Variants in ADAM28 observed in about 807,000 individuals in gnomAD.
ADAM28 encodes the protein ADAM metallopeptidase domain 28, also known as disintegrin and metalloproteinase domain-containing protein 28.
In ADAM28, 105 loss-of-function variants were observed where a neutral mutation model predicts 101.2. The ratio of observed to expected loss-of-function variants is 1.04; its 90% confidence interval spans 0.89 to 1.22. The LOEUF is 1.22. Among genes scored for constraint, ADAM28 ranks in the 50% most tolerant of loss-of-function variants. The pLI is 0.00. For synonymous variants in ADAM28, 322 were observed against 310.6 expected (o/e 1.04, Z -0.39); for missense variants, 1,028 against 945.4 (o/e 1.09, Z -1.15).
chr8:24,302,648 T>C (rs1808943380), intron 2 of ADAM28, among the ~76,000 whole-genome samples: 1 of 152,222 alleles, frequency 6.6e-6, no homozygotes, highest in South Asian at 2.1e-4. Context: ...TGGTGTGAGA[T>C]GGTATCTCAT....
chr8:24,299,951 C>G, intron 1 of ADAM28, 23 bp from the exon 2 acceptor site: 1 of 1,588,452 alleles, frequency 6.3e-7, no homozygotes. Context: ...CTGGATAAGT[C>G]TTTTCTTTTT....
chr8:24,325,871 C>CAAAAAAAAAAAAAAAAAAAAAA (rs5890146), intron 9 of ADAM28, among the ~76,000 whole-genome samples: 3 of 20,418 alleles, frequency 1.5e-4, no homozygotes, highest in East Asian at 1.5e-3. Context: ...GTACAGATAG[C>CAAAAAAAAAAAAAAAAAAAAAA]AAAAAAAAAA....
chr8:24,327,604 G>A (rs931537600), intron 10 of ADAM28, among the ~76,000 whole-genome samples: 6 of 152,064 alleles, frequency 3.9e-5, no homozygotes, highest in Non-Finnish European at 7.4e-5. Context: ...AAAGAACAAA[G>A]CTGGAGGCAT....
chr8:24,337,728 TTAATC>T (rs1244561293), intron 14 of ADAM28, among the ~76,000 whole-genome samples: 4 of 152,234 alleles, frequency 2.6e-5, no homozygotes, highest in African/African-American at 9.6e-5. Flanking sequence ...TTATTTTAAA[TTAATC>T]TGGGAAGTTT....
chr8:24,300,011 T>A lies in ADAM28; in HGVS notation c.84T>A (p.Tyr28Ter). Residue 28 changes from tyrosine to a stop codon, truncating the protein, a stop_gained, in exon 2 of 23, where the codon TAT becomes TAA. Coordinates refer to ENST00000265769, the MANE Select transcript of ADAM28 (RefSeq NM_014265.6). LOFTEE classifies it high-confidence loss of function. ...AIKELPGVKK[Y>*]EVVYPIRLHP... is the part of the protein sequence containing the mutation. ...AAGAACTCCCTGGGGTGAAGAAGTA[T>A]GAAGTGGTTTATCCTATAAGACTTC... The A allele has an allele frequency of 6.2e-7, 1 of 1,613,596 alleles. No individual in the cohort carries two copies. Among genetic ancestry groups the A allele is most frequent in the South Asian group, 1.1e-5 (1 of 91,078 alleles).
chr8:24,324,727 G>T (rs1261070053), intron 9 of ADAM28, among the ~76,000 whole-genome samples: 1 of 151,902 alleles, frequency 6.6e-6, no homozygotes, highest in Non-Finnish European at 1.5e-5. Context: ...TTGGTGTGTG[G>T]GCTCATCTGG....
At chr8:24,339,362 TA>T in intron 14 of ADAM28, 103 bp from the exon 15 acceptor site, 1 of 825,392 alleles carries the variant, frequency 1.2e-6, no homozygotes, top group Non-Finnish European at 1.9e-6. Context: ...TTATATTTTA[TA>T]AATCGCTTTC....
chr8:24,308,872 T>C (rs1342746174), intron 2 of ADAM28: 1 of 352,900 alleles, frequency 2.8e-6, no homozygotes, highest in Non-Finnish European at 5.6e-6. Context: ...TCAGATACCA[T>C]ACCGGCCAGA....
chr8:24,329,765 G>A (rs141491301), intron 10 of ADAM28, among the ~76,000 whole-genome samples: 94 of 151,976 alleles, frequency 6.2e-4, no homozygotes, highest in East Asian at 5.8e-4. Context: ...CTTCATTATA[G>A]GAACCTACTC....
intron 14 of ADAM28, chr8:24,336,002 C>G (rs1813988478): frequency 9.8e-7 from 1 of 1,024,000 alleles, no homozygotes; most frequent in Admixed American, 5.4e-5. Context: ...GGCAACCCTA[C>G]TAAGATCATA....
At chr8:24,302,059 C>T (rs1204890686) in intron 2 of ADAM28, among the ~76,000 whole-genome samples, 1 of 152,146 alleles carries the variant, frequency 6.6e-6, no homozygotes, top group Non-Finnish European at 1.5e-5. Context: ...TTAAGCCCAG[C>T]ATGCATTAGC....
chr8:24,319,893 T>C (rs10106240), intron 6 of ADAM28, among the ~76,000 whole-genome samples: 1 of 151,962 alleles, frequency 6.6e-6, no homozygotes, highest in East Asian at 1.9e-4. Context: ...AGGAGGATGC[T>C]GAAGTCAAAC....
At position 24,335,533 on chromosome 8, in the gene ADAM28, G is replaced by C; in HGVS notation, c.1459G>C (p.Asp487His). Residue 487 changes from aspartate to histidine, a missense_variant, in exon 14 of 23, where the codon GAT (aspartate) becomes CAT (histidine). By Grantham distance (81) the Asp-to-His change is moderately conservative. Transcript: ENST00000265769. ...MCNGKSGNCP[D>H]DRFQVNGFPC... is the part of the protein sequence containing the mutation. The stretch of plus-strand genomic sequence containing the variant: ...TAATGGTAAATCTGGTAATTGTCCT[G>C]ATGATAGATTCCAAGTCAATGGCTT... 2 of 1,614,176 alleles carry C rather than the reference G, an allele frequency of 1.2e-6. No individual in the cohort carries two copies. Among genetic ancestry groups the C allele is most frequent in the Non-Finnish European group, 1.7e-6 (2 of 1,180,012 alleles).
intron 2 of ADAM28, among the ~76,000 whole-genome samples, chr8:24,302,307 A>G (rs1050239493): frequency 1.3e-5 from 2 of 152,130 alleles, no homozygotes; most frequent in African/African-American, 4.8e-5. Flanking sequence ...TCCATGGTGT[A>G]TATGTACCAC....
At chr8:24,344,442 G>C (rs994603644) in intron 18 of ADAM28, among the ~76,000 whole-genome samples, 9 of 152,064 alleles carry the variant, frequency 5.9e-5, no homozygotes, top group African/African-American at 2.2e-4. Flanking sequence ...TTGATCTCAG[G>C]TGATGAGCCA....
intron 5 of ADAM28, among the ~76,000 whole-genome samples, chr8:24,312,327 T>C (rs10098715): frequency 0.025 from 3,816 of 152,194 alleles, 181 homozygotes; most frequent in African/African-American, 0.085. Flanking sequence ...ATGGTATAAT[T>C]AGATAATCAC....
At chr8:24,339,422 CA>C in intron 14 of ADAM28, 43 bp from the exon 15 acceptor site, 2 of 1,472,460 alleles carry the variant, frequency 1.4e-6, no homozygotes, top group Non-Finnish European at 1.9e-6. Flanking sequence ...TCTTGAATCT[CA>C]AAAATCTATT....
In ADAM28 at chr8:24,356,554, A is replaced by C. The variant is rs1298807063; in HGVS notation, c.*2150A>C. 1 of 152,166 alleles carries C rather than the reference A, an allele frequency of 6.6e-6. No individual in the cohort carries two copies. Among genetic ancestry groups the C allele is most frequent in the Admixed American group, 6.6e-5 (1 of 15,258 alleles). The allele number at this position is 152,166 out of a possible 1,614,324, so 9.4% of individuals were successfully genotyped here. A position where few individuals can be genotyped will look rare whatever the true frequency, so the allele number is the denominator to read the frequency against. ...AGGAAAACCATTATTTTATCATAGA[A>C]CTGCGAACCCAAGTCCTACAATGTT... On this transcript the variant is annotated 3_prime_UTR_variant, in exon 23 of 23. Transcript: ENST00000265769.
At chr8:24,313,859 G>C (rs1810810353) in intron 6 of ADAM28, among the ~76,000 whole-genome samples, 3 of 151,502 alleles carry the variant, frequency 2.0e-5, no homozygotes, top group Non-Finnish European at 4.4e-5. Flanking sequence ...CCAGGTTTGA[G>C]TGATTCTCCT....
Sources: gnomAD v4.1 joint callset for allele counts (sites outside exome capture counted in the v4.1 genomes callset) on GRCh38, gnomAD v4.1.1 for gene constraint, MANE v1.5 for transcripts, NCBI Gene and HGNC (gene_info 2026-07-23, HGNC 2026-07-21) for gene names.